The following RBFOX1 variants were observed in gnomAD, a reference collection of about 807,000 sequenced individuals.
RBFOX1 encodes the protein RNA binding fox-1 homolog 1.
A neutral mutation model predicts 57.7 loss-of-function variants in RBFOX1; 8 were observed. The ratio of observed to expected loss-of-function variants is 0.14; its 90% CI spans 0.08 to 0.25. RBFOX1 has a LOEUF of 0.25. Ranked by LOEUF, RBFOX1 falls within the 10% of genes least tolerant of loss-of-function variation. The pLI is 1.00. For missense variants in RBFOX1, 611 were observed against 548.5 expected, an observed-to-expected ratio of 1.11 and a Z score of -1.14; for synonymous variants, 326 against 222.4, an observed-to-expected ratio of 1.47 and a Z score of -4.15.
chr16:6,491,578 CCTT>C (rs1274003672), intron 2 of RBFOX1, among the ~76,000 whole-genome samples: 1 of 152,134 alleles, frequency 6.6e-6, no homozygotes, highest in Non-Finnish European at 1.5e-5. Context: ...ACATCATTAT[CCTT>C]CTTATTGATA....
At chr16:6,967,102 T>C (rs1209877640) in intron 3 of RBFOX1, among the ~76,000 whole-genome samples, 1 of 152,198 alleles carries the variant, frequency 6.6e-6, no homozygotes, top group Non-Finnish European at 1.5e-5. Flanking sequence ...TATTTGTCTA[T>C]ACACTCATTC....
chr16:5,709,969 C>A (rs1425075444), intron 3 of RBFOX1, among the ~76,000 whole-genome samples: 2 of 146,202 alleles, frequency 1.4e-5, no homozygotes, highest in Non-Finnish European at 3.0e-5. Flanking sequence ...GATATCTATC[C>A]CAAAGGTGTT....
chr16:5,868,758 G>A (rs1395124175), intron 4 of RBFOX1, among the ~76,000 whole-genome samples: 2 of 152,162 alleles, frequency 1.3e-5, no homozygotes, highest in African/African-American at 4.8e-5. Context: ...CCAGTCACTC[G>A]AGTGAGTTAT....
chr16:7,634,320 T>A (rs1312657809), intron 11 of RBFOX1, among the ~76,000 whole-genome samples: 1 of 152,180 alleles, frequency 6.6e-6, no homozygotes, highest in Non-Finnish European at 1.5e-5. Flanking sequence ...GCAAGATAAC[T>A]CTGGAGCTTC....
At chr16:7,187,404 C>A (rs942840583) in intron 4 of RBFOX1, among the ~76,000 whole-genome samples, 1 of 151,728 alleles carries the variant, frequency 6.6e-6, no homozygotes, top group Non-Finnish European at 1.5e-5. Flanking sequence ...ATAAGAAAGC[C>A]CTTGGCCAGG....
At chr16:7,004,020 G>C (rs1169091385) in intron 3 of RBFOX1, 3 of 146,056 alleles carry the variant, frequency 2.1e-5, no homozygotes, top group African/African-American at 5.1e-5. Flanking sequence ...AAAAAGTAAC[G>C]CTTCACAAAT....
At chr16:6,834,548 G>T (rs532483627) in intron 3 of RBFOX1, among the ~76,000 whole-genome samples, 1 of 152,192 alleles carries the variant, frequency 6.6e-6, no homozygotes, top group East Asian at 1.9e-4. Context: ...TAATTAACAG[G>T]AGATATCAGT....
intron 3 of RBFOX1, among the ~76,000 whole-genome samples, chr16:6,971,111 GGA>G (rs2085436365): frequency 6.6e-6 from 1 of 152,164 alleles, no homozygotes; most frequent in Admixed American, 6.5e-5. Flanking sequence ...ATAATCTAGC[GGA>G]GGAAGACAGA....
chr16:5,579,443 C>A (rs1416916829), intron 2 of RBFOX1, among the ~76,000 whole-genome samples: 1 of 152,142 alleles, frequency 6.6e-6, no homozygotes, highest in African/African-American at 2.4e-5. Context: ...CTCCCCGCAT[C>A]CATGTGTGCA....
intron 1 of RBFOX1, among the ~76,000 whole-genome samples, chr16:5,272,265 T>A (rs2063030661): frequency 6.6e-6 from 1 of 152,236 alleles, no homozygotes; most frequent in Non-Finnish European, 1.5e-5. Context: ...GATGGACATG[T>A]TAATTAGTTT....
chr16:5,365,386 G>A (rs1244462214), intron 1 of RBFOX1, among the ~76,000 whole-genome samples: 1 of 152,150 alleles, frequency 6.6e-6, no homozygotes, highest in East Asian at 1.9e-4. Context: ...AAGTGTTACC[G>A]GCTAGGCACA....
At chr16:7,119,043 C>T (rs538742168) in intron 4 of RBFOX1, among the ~76,000 whole-genome samples, 64 of 152,146 alleles carry the variant, frequency 4.2e-4, no homozygotes, top group Admixed American at 1.0e-3. Flanking sequence ...TTACTTTTTG[C>T]AGGTGGGGCA....
At chr16:6,927,852 A>C (rs1242724015) in intron 3 of RBFOX1, among the ~76,000 whole-genome samples, 1 of 152,172 alleles carries the variant, frequency 6.6e-6, no homozygotes, top group African/African-American at 2.4e-5. Context: ...TGGATCTCAC[A>C]ACACATCATT....
chr16:6,807,956 TTA>T lies in RBFOX1; in HGVS notation c.-16+153313_-16+153314del, dbSNP rs1359113120. On this transcript the variant is annotated intron_variant, in intron 3 of 15. Coordinates refer to ENST00000550418, the MANE Select transcript of RBFOX1 (RefSeq NM_018723.4). ...ATAATATGCATATGTAATATATGCA[TTA>T]TATATAATATGCGTATTGTACCCTG... Among the ~76,000 whole-genome samples, 5 of 150,110 alleles carry T rather than the reference TTA, an allele frequency of 3.3e-5. No homozygotes were observed. The South Asian group carries it at 6.3e-4, about 19-fold the overall frequency.
At chr16:5,310,771 A>G (rs1473247178) in intron 1 of RBFOX1, among the ~76,000 whole-genome samples, 1 of 152,188 alleles carries the variant, frequency 6.6e-6, no homozygotes, top group African/African-American at 2.4e-5. Flanking sequence ...TTTGGAAAAA[A>G]TACTGGGGTT....
At chr16:6,749,410 C>T (rs1288134088) in intron 3 of RBFOX1, among the ~76,000 whole-genome samples, 2 of 152,104 alleles carry the variant, frequency 1.3e-5, no homozygotes, top group African/African-American at 2.4e-5. Context: ...TGAGATGGAC[C>T]CTGGTTCTTG....
At chr16:5,935,296 C>A (rs2059145361) in intron 4 of RBFOX1, among the ~76,000 whole-genome samples, 1 of 152,164 alleles carries the variant, frequency 6.6e-6, no homozygotes, top group South Asian at 2.1e-4. Context: ...GAGTAGGGGG[C>A]AGGCCATGCC....
chr16:6,968,117 C>T (rs1365897533), intron 3 of RBFOX1, among the ~76,000 whole-genome samples: 5 of 152,086 alleles, frequency 3.3e-5, no homozygotes, highest in Non-Finnish European at 5.9e-5. Context: ...TCTGAACTTG[C>T]AACCCCGCAC....
intron 2 of RBFOX1, among the ~76,000 whole-genome samples, chr16:5,537,553 A>G (rs1051254754): frequency 1.3e-5 from 2 of 152,200 alleles, no homozygotes; most frequent in Non-Finnish European, 2.9e-5. Flanking sequence ...TGTTGTTGGT[A>G]GAAATCACTT....
Sources: gnomAD v4.1 joint callset for allele counts (sites outside exome capture counted in the v4.1 genomes callset) on GRCh38, gnomAD v4.1.1 for gene constraint, MANE v1.5 for transcripts, NCBI Gene and HGNC (gene_info 2026-07-23, HGNC 2026-07-21) for gene names.